EYS: variants seen among roughly 807,000 people sequenced by gnomAD.
The protein encoded by EYS is protein eyes shut homolog.
Under a neutral mutation model 282.1 loss-of-function variants are expected in EYS, and 250 were observed. The observed-to-expected ratio is 0.89, with a 90% CI of 0.80 to 0.98. EYS has a LOEUF of 0.98. Among genes scored for constraint, EYS ranks in the 50% least tolerant of loss-of-function variants. EYS has a pLI of 0.00. For missense variants in EYS, 4,016 were observed against 3,709.0 expected (o/e 1.08, Z -2.15); for synonymous variants, 1,355 against 1,282.9 (o/e 1.06, Z -1.20).
In EYS at chr6:64,028,789, C is replaced by A. The variant is rs557016580; in HGVS notation, c.6726-29606G>T. On this transcript the variant is annotated intron_variant, in intron 33 of 42. Transcript: ENST00000503581. ...TTACTTCTGGCTACCAGTTCAGAAGCCTCGTGCCAGCAGGCTACTCTAGAT... is the reference window on the plus strand; with the variant it reads ...TTACTTCTGGCTACCAGTTCAGAAGACTCGTGCCAGCAGGCTACTCTAGAT... 2.7e-3 allele frequency among the ~76,000 whole-genome samples: 408 copies of A among 152,310 alleles called. 2 individuals carry two copies. The highest frequency in any genetic ancestry group is 9.5e-3 in the African/African-American group (393 of 41,568).
intron 12 of EYS, among the ~76,000 whole-genome samples, chr6:65,159,302 T>C (rs999938183): frequency 1.3e-5 from 2 of 150,990 alleles, no homozygotes; most frequent in South Asian, 4.1e-4. Context: ...TCTGGTTCTA[T>C]CATCCAGTGA....
chr6:65,670,765 C>T (rs1221435338), intron 1 of EYS, among the ~76,000 whole-genome samples: 1 of 151,910 alleles, frequency 6.6e-6, no homozygotes. Context: ...TTACCCTCGA[C>T]ACTAGAATAT....
At chr6:64,747,145 T>C (rs574541759) in intron 22 of EYS, among the ~76,000 whole-genome samples, 1 of 152,348 alleles carries the variant, frequency 6.6e-6, no homozygotes, top group African/African-American at 2.4e-5. Context: ...AACTGGATGA[T>C]GAAAAGCAAG....
intron 22 of EYS, among the ~76,000 whole-genome samples, chr6:64,688,083 T>G (rs1770225428): frequency 6.6e-6 from 1 of 152,100 alleles, no homozygotes; most frequent in South Asian, 2.1e-4. Context: ...CCCTTTATCA[T>G]TTTTTATTGT....
intron 12 of EYS, among the ~76,000 whole-genome samples, chr6:65,161,049 CTA>C (rs2150221523): frequency 6.6e-6 from 1 of 150,998 alleles, no homozygotes; most frequent in South Asian, 2.1e-4. Context: ...TACTTAAAAT[CTA>C]TGTCTTGACA....
chr6:64,036,812 AC>A (rs1770144759), intron 33 of EYS, among the ~76,000 whole-genome samples: 1 of 152,152 alleles, frequency 6.6e-6, no homozygotes, highest in South Asian at 2.1e-4. Context: ...AATGTTATCT[AC>A]CTTCTACAGA....
intron 30 of EYS, among the ~76,000 whole-genome samples, chr6:64,238,687 C>A (rs2150341947): frequency 6.6e-6 from 1 of 152,210 alleles, no homozygotes; most frequent in South Asian, 2.1e-4. Flanking sequence ...TAAAACTACA[C>A]CATCAATTAT....
chr6:64,715,264 A>G (rs1771350471), intron 22 of EYS, among the ~76,000 whole-genome samples: 1 of 152,100 alleles, frequency 6.6e-6, no homozygotes, highest in African/African-American at 2.4e-5. Context: ...TCTGGGGGTG[A>G]TGGGAGACAG....
chr6:64,347,636 C>G (rs558391671), intron 29 of EYS, among the ~76,000 whole-genome samples: 1 of 151,324 alleles, frequency 6.6e-6, no homozygotes, highest in South Asian at 2.1e-4. Flanking sequence ...ATGATTTCCA[C>G]TGGTGTTTAC....
At chr6:64,209,202 C>T (rs1265545320) in intron 31 of EYS, among the ~76,000 whole-genome samples, 1 of 151,978 alleles carries the variant, frequency 6.6e-6, no homozygotes, top group African/African-American at 2.4e-5. Context: ...ATTATAAATC[C>T]AAGTGATAGA....
intron 22 of EYS, among the ~76,000 whole-genome samples, chr6:64,732,849 CAGG>C (rs61066844): frequency 0.011 from 1,656 of 152,308 alleles, 25 homozygotes; most frequent in African/African-American, 0.038. Context: ...TCTGATTGTT[CAGG>C]AGAAGCCAGA....
At chr6:65,550,143 CTTTTTTTTTTT>C (rs1048251073) in intron 2 of EYS, among the ~76,000 whole-genome samples, 1 of 5,956 alleles carries the variant, frequency 1.7e-4, no homozygotes, top group Non-Finnish European at 2.5e-4. Flanking sequence ...TCTACTATAT[CTTTTTTTTTTT>C]TTTTTTTTTT....
chr6:65,247,802 T>C lies in EYS; in HGVS notation c.2023+48061A>G, dbSNP rs946439160. ...CCTATACACAATTATTTCTTTAAAATTGGGTGTTCAGTCACTAATATTGTT... is the reference window on the plus strand; with the variant it reads ...CCTATACACAATTATTTCTTTAAAACTGGGTGTTCAGTCACTAATATTGTT... On this transcript the variant is annotated intron_variant, in intron 12 of 42. Transcript: ENST00000503581. Among the ~76,000 whole-genome samples, 8 of 152,020 alleles carry C rather than the reference T, an allele frequency of 5.3e-5. No homozygotes were observed. In the South Asian group the frequency reaches 6.2e-4, roughly 12 times the overall value.
chr6:65,133,354 C>T (rs1417170863), intron 12 of EYS, among the ~76,000 whole-genome samples: 1 of 151,942 alleles, frequency 6.6e-6, no homozygotes, highest in Non-Finnish European at 1.5e-5. Context: ...TTAGAGGTAT[C>T]ATGTTACCCA....
chr6:64,356,244 A>G (rs1024174213), intron 29 of EYS, among the ~76,000 whole-genome samples: 3 of 151,326 alleles, frequency 2.0e-5, no homozygotes, highest in Non-Finnish European at 4.4e-5. Flanking sequence ...AGGTGTGTAT[A>G]TTTATGGGGT....
At chr6:64,739,976 T>C (rs981538767) in intron 22 of EYS, among the ~76,000 whole-genome samples, 1 of 152,090 alleles carries the variant, frequency 6.6e-6, no homozygotes, top group Non-Finnish European at 1.5e-5. Flanking sequence ...TAAAAAAATA[T>C]AAGAAACTCT....
intron 40 of EYS, among the ~76,000 whole-genome samples, chr6:63,773,024 C>T (rs1222336219): frequency 6.6e-6 from 1 of 152,036 alleles, no homozygotes. Context: ...CACTCCATAG[C>T]AACATATAAA....
intron 22 of EYS, among the ~76,000 whole-genome samples, chr6:64,635,939 A>C (rs1009130196): frequency 6.6e-6 from 1 of 151,592 alleles, no homozygotes; most frequent in African/African-American, 2.4e-5. Context: ...TCTGGATGTG[A>C]ATCCATCTGG....
At chr6:64,741,939 T>C (rs1442639169) in intron 22 of EYS, among the ~76,000 whole-genome samples, 1 of 152,182 alleles carries the variant, frequency 6.6e-6, no homozygotes, top group Non-Finnish European at 1.5e-5. Context: ...TTCTTACTAT[T>C]TACACGTTCA....
Sources: allele counts gnomAD v4.1 joint callset (sites outside exome capture counted in the v4.1 genomes callset), GRCh38; gene constraint gnomAD v4.1.1; transcripts MANE v1.5; gene names NCBI Gene and HGNC (gene_info 2026-07-23, HGNC 2026-07-21).